Variants in CCDC14 observed in about 807,000 individuals in gnomAD.
The protein encoded by CCDC14 is coiled-coil domain-containing protein 14.
A neutral mutation model predicts 81.4 loss-of-function variants in CCDC14; 71 were observed. That is an observed-to-expected ratio of 0.87 (90% confidence interval 0.72 to 1.06). CCDC14 has a LOEUF of 1.06. Among genes scored for constraint, CCDC14 ranks in the 50% least tolerant of loss-of-function variants. CCDC14 has a pLI of 0.00. For missense variants in CCDC14, 1,046 were observed against 1,047.3 expected, an observed-to-expected ratio of 1.00 and a Z score of 0.02; for synonymous variants, 332 against 364.8, an observed-to-expected ratio of 0.91 and a Z score of 1.03.
chr3:123,948,736 TGGG>T lies in CCDC14; in HGVS notation c.636_638del (p.Pro213del). 1.9e-6 allele frequency: 3 copies of T among 1,603,278 alleles called. No homozygotes were observed. The highest frequency in any genetic ancestry group is 2.5e-6 in the Non-Finnish European group (3 of 1,177,398). On this transcript the variant is annotated inframe_deletion, in exon 7 of 13. Transcript: ENST00000409697. The stretch of plus-strand genomic sequence containing the variant: ...AGGGTGGCCGCTGAAGTGACCAGAC[TGGG>T]GTGGAGGTACATAAGCCATAACTAG...
chr3:123,921,898 T>TAGAA (rs1432253410), intron 12 of CCDC14, among the ~76,000 whole-genome samples: 1 of 152,198 alleles, frequency 6.6e-6, no homozygotes, highest in Admixed American at 6.5e-5. Flanking sequence ...AGACATAATA[T>TAGAA]AGAACATTCC....
At chr3:123,902,794 T>C (rs2034204568) in intron 5 of CCDC14, among the ~76,000 whole-genome samples, 1 of 152,180 alleles carries the variant, frequency 6.6e-6, no homozygotes, top group African/African-American at 2.4e-5. Context: ...GATAATATTG[T>C]GCTTATCTTT....
intron 9 of CCDC14, among the ~76,000 whole-genome samples, chr3:123,934,822 C>T (rs1051557982): frequency 3.3e-5 from 5 of 152,166 alleles, no homozygotes; most frequent in African/African-American, 9.7e-5. Context: ...CCTCACATCA[C>T]TCACATATAT....
intron 5 of CCDC14, chr3:123,954,592 A>G (rs1019133280): frequency 2.0e-5 from 3 of 152,096 alleles, no homozygotes; most frequent in Admixed American, 6.6e-5. Flanking sequence ...TTCAGTGTAT[A>G]ATATAAATAA....
the CCDC14 span, among the ~76,000 whole-genome samples, chr3:123,891,349 T>C: frequency 6.6e-6 from 1 of 152,222 alleles, no homozygotes; most frequent in Non-Finnish European, 1.5e-5. Flanking sequence ...TGGGATTTTC[T>C]CTTCTATTGC....
At chr3:123,934,807 C>T (rs1163930290) in intron 9 of CCDC14, among the ~76,000 whole-genome samples, 3 of 152,060 alleles carry the variant, frequency 2.0e-5, no homozygotes, top group African/African-American at 7.2e-5. Flanking sequence ...AATGATAGTA[C>T]CCTACCTCAC....
At chr3:123,885,411 T>G in the CCDC14 span, among the ~76,000 whole-genome samples, 24 of 151,660 alleles carry the variant, frequency 1.6e-4, no homozygotes, top group Non-Finnish European at 3.4e-4. Context: ...GACTTTCATG[T>G]AGTCACTTCT....
At position 123,961,177 on chromosome 3, in the gene CCDC14, T is replaced by C. The variant is rs1376927368; in HGVS notation, c.-4A>G. Reference sequence around the variant, plus strand: ...GTCGAGCTCCAGACCTGACCATCTCTCGCCGCCTCAGAGAAGCCCAGACCG... The same window carrying C: ...GTCGAGCTCCAGACCTGACCATCTCCCGCCGCCTCAGAGAAGCCCAGACCG... On this transcript the variant is annotated 5_prime_UTR_variant, in exon 1 of 13. Transcript: ENST00000409697. The C allele has an allele frequency of 6.4e-6, 10 of 1,551,234 alleles. No homozygotes were observed. Among genetic ancestry groups the C allele is most frequent in the Non-Finnish European group, 7.8e-6 (9 of 1,146,956 alleles).
Position 123,915,147 on chromosome 3 carries a change from A to G in CCDC14, c.2350T>C (p.Ser784Pro). ...ENKLCTPVIC[S>P]SSTKEAEDAP... ...TCTTCTGCTTCCTTTGTTGAAGAGG[A>G]ACAGATTACAGGTGTACACAGTTTA... The change falls in exon 13 of 13, where the codon TCC becomes CCC. Residue 784 changes from serine to proline, a missense_variant. Coordinates refer to ENST00000409697, the MANE Select transcript of CCDC14 (RefSeq NM_001366335.1). 6.2e-7 allele frequency: 1 copy of G among 1,613,894 alleles called. No homozygotes were observed. Among genetic ancestry groups the G allele is most frequent in the Non-Finnish European group, 8.5e-7 (1 of 1,179,850 alleles).
At position 123,903,847 on chromosome 3, in the gene CCDC14, A is replaced by G. The variant is rs576786686; in HGVS notation, c.668-6234T>C. 1.7e-3 allele frequency among the ~76,000 whole-genome samples: 257 copies of G among 152,148 alleles called. 2 individuals are homozygous for G. In the South Asian group the frequency reaches 0.02, roughly 12 times the overall value. On this transcript the variant is annotated intron_variant, in intron 5 of 5. Transcript: ENST00000479903. The stretch of plus-strand genomic sequence containing the variant: ...GCCTCCTGATCCTCAAGTTGCAGCT[A>G]AGGTAGTGTGATTCTGAAGCCAGCA...
At chr3:123,908,323 T>A (rs2034366825) in intron 5 of CCDC14, among the ~76,000 whole-genome samples, 1 of 152,160 alleles carries the variant, frequency 6.6e-6, no homozygotes, top group Admixed American at 6.5e-5. Context: ...TGGGAGGCAC[T>A]GGGGCTCTAG....
chr3:123,924,396 T>A (rs899339287), intron 12 of CCDC14, among the ~76,000 whole-genome samples: 5 of 152,096 alleles, frequency 3.3e-5, no homozygotes, highest in African/African-American at 1.2e-4. Flanking sequence ...TTTTTAGATA[T>A]GACCTTGAAA....
chr3:123,927,666 A>G (rs2035450846), intron 12 of CCDC14, among the ~76,000 whole-genome samples: 1 of 152,014 alleles, frequency 6.6e-6, no homozygotes, highest in Non-Finnish European at 1.5e-5. Flanking sequence ...TGATAGGAAA[A>G]TTCTTTAGTC....
At chr3:123,907,003 GGTTTCAATA>G (rs966682956) in intron 5 of CCDC14, among the ~76,000 whole-genome samples, 8 of 152,026 alleles carry the variant, frequency 5.3e-5, no homozygotes, top group Non-Finnish European at 1.2e-4. Flanking sequence ...CAGTGCTCTT[GGTTTCAATA>G]AATAGCTGTT....
intron 1 of CCDC14, 138 bp from the exon 2 acceptor site, chr3:123,956,933 C>A: frequency 1.9e-6 from 1 of 533,742 alleles, no homozygotes; most frequent in Non-Finnish European, 3.3e-6. Flanking sequence ...TTAAACAATA[C>A]CTTTCCATCC....
At chr3:123,947,581 T>C (rs2036724858) in intron 7 of CCDC14, among the ~76,000 whole-genome samples, 1 of 152,282 alleles carries the variant, frequency 6.6e-6, no homozygotes, top group South Asian at 2.1e-4. Context: ...TGCAAAAACT[T>C]TTTGTATGTT....
intron 9 of CCDC14, 120 bp from the exon 10 acceptor site, chr3:123,933,875 A>C: frequency 2.4e-5 from 15 of 629,460 alleles, no homozygotes; most frequent in Admixed American, 3.2e-5. Flanking sequence ...AGTCCATCTC[A>C]TCCCCAAAAG....
intron 12 of CCDC14, among the ~76,000 whole-genome samples, chr3:123,917,477 A>AG (rs938115693): frequency 6.6e-6 from 1 of 151,356 alleles, no homozygotes; most frequent in Admixed American, 6.6e-5. Flanking sequence ...CCTGGGCAAC[A>AG]GGGCGAAACT....
intron 1 of CCDC14, 96 bp downstream of exon 1, chr3:123,961,048 G>T: frequency 9.1e-7 from 1 of 1,097,180 alleles, no homozygotes; most frequent in Non-Finnish European, 1.3e-6. Flanking sequence ...CATTGTCTTT[G>T]TCTTTTTTCG....
Sources: gnomAD v4.1 joint callset for allele counts (sites outside exome capture counted in the v4.1 genomes callset) on GRCh38, gnomAD v4.1.1 for gene constraint, MANE v1.5 for transcripts, NCBI Gene and HGNC (gene_info 2026-07-23, HGNC 2026-07-21) for gene names.